Variants in SNX29 observed in about 807,000 individuals in gnomAD.
SNX29 encodes sorting nexin-29.
Under a neutral mutation model 102.1 loss-of-function variants are expected in SNX29, and 78 were observed. The observed-to-expected ratio is 0.76, with a 90% CI of 0.64 to 0.92. SNX29 has a LOEUF of 0.92. SNX29 is among the 40% of genes least tolerant of loss of function. The pLI is 0.00. For synonymous variants in SNX29, 580 were observed against 414.5 expected, an observed-to-expected ratio of 1.40 and a Z score of -4.85; for missense variants, 1,280 against 1,061.7, an observed-to-expected ratio of 1.21 and a Z score of -2.86.
intron 20 of SNX29, among the ~76,000 whole-genome samples, chr16:12,553,588 T>TCCCCCCC (rs2078130476): frequency 1.5e-5 from 2 of 131,032 alleles, no homozygotes; most frequent in Admixed American, 1.6e-4. Context: ...GATGCTTTGT[T>TCCCCCCC]CCCCACCCCC....
In SNX29 at chr16:12,568,711, A is replaced by T; in HGVS notation, c.*82A>T. Reference sequence around the variant, plus strand: ...GCCACTGCCGCTGGCCCCTCACCTCAGCGTGACAACCACGTCCACCTGGTG... The same window carrying T: ...GCCACTGCCGCTGGCCCCTCACCTCTGCGTGACAACCACGTCCACCTGGTG... On this transcript the variant is annotated 3_prime_UTR_variant, in exon 21 of 21. Transcript: ENST00000566228. 1.3e-6 allele frequency: 2 copies of T among 1,547,412 alleles called. No homozygotes were observed. Among genetic ancestry groups the T allele is most frequent in the East Asian group, 2.3e-5 (1 of 43,328 alleles).
At chr16:12,409,574 G>A (rs908952272) in intron 18 of SNX29, among the ~76,000 whole-genome samples, 2 of 151,686 alleles carry the variant, frequency 1.3e-5, no homozygotes, top group East Asian at 1.9e-4. Flanking sequence ...GACTACAGGT[G>A]CCTGTCACCA....
intron 16 of SNX29, among the ~76,000 whole-genome samples, chr16:12,368,487 A>T (rs190606553): frequency 2.5e-3 from 386 of 152,300 alleles, no homozygotes; most frequent in African/African-American, 8.9e-3. Flanking sequence ...ACTTTACCCA[A>T]TGTGAGGAAG....
At chr16:12,092,017 C>G (rs1013419673) in intron 11 of SNX29, among the ~76,000 whole-genome samples, 3 of 152,128 alleles carry the variant, frequency 2.0e-5, no homozygotes, top group Non-Finnish European at 4.4e-5. Flanking sequence ...CGGAGGTGCT[C>G]CTGCAAGAGG....
At chr16:12,482,499 ACCATG>A (rs1417311135) in intron 19 of SNX29, among the ~76,000 whole-genome samples, 5 of 152,052 alleles carry the variant, frequency 3.3e-5, no homozygotes, top group African/African-American at 1.2e-4. Context: ...ACAGGGTTTC[ACCATG>A]TTCGCCAGGC....
At chr16:12,361,980 C>CG in intron 16 of SNX29, among the ~76,000 whole-genome samples, 1 of 152,166 alleles carries the variant, frequency 6.6e-6, no homozygotes, top group Non-Finnish European at 1.5e-5. Flanking sequence ...CGAGCACATG[C>CG]CTATACATGT....
Position 12,048,408 on chromosome 16 carries a change from A to G in SNX29, c.536A>G (p.Asn179Ser). Reference sequence around the variant, plus strand: ...ATACTCTTTGCGATTAACATCGACAACAAGGATTTGAACGGGCAGAGTAAG... The same window carrying G: ...ATACTCTTTGCGATTAACATCGACAGCAAGGATTTGAACGGGCAGAGTAAG... ...NSILFAINIDNKDLNGQSKFA... is the reference protein window; with the variant it reads ...NSILFAINIDSKDLNGQSKFA... The change falls in exon 7 of 21, where the codon AAC becomes AGC. Residue 179 changes from asparagine (N) to serine (S), a missense_variant. Physicochemically the swap from Asn to Ser is conservative, Grantham distance 46. Coordinates refer to ENST00000566228, the MANE Select transcript of SNX29 (RefSeq NM_032167.5). 2 of 1,613,818 alleles carry G rather than the reference A, an allele frequency of 1.2e-6. No homozygotes were observed. The highest frequency in any genetic ancestry group is 8.5e-7 in the Non-Finnish European group (1 of 1,179,808).
chr16:12,151,612 G>A (rs2055305597), intron 13 of SNX29, among the ~76,000 whole-genome samples: 2 of 152,168 alleles, frequency 1.3e-5, no homozygotes, highest in Non-Finnish European at 2.9e-5. Context: ...TTGCAGGACG[G>A]TTTCTTTTCA....
At chr16:12,447,827 T>C (rs1435538434) in intron 18 of SNX29, among the ~76,000 whole-genome samples, 1 of 152,204 alleles carries the variant, frequency 6.6e-6, no homozygotes, top group African/African-American at 2.4e-5. Flanking sequence ...CAGAGAGCCC[T>C]CTCTTCCCTG....
chr16:12,221,974 C>G (rs903252446), intron 14 of SNX29, among the ~76,000 whole-genome samples: 45 of 152,204 alleles, frequency 3.0e-4, no homozygotes, highest in Admixed American at 9.2e-4. Context: ...CTCCCTTCTC[C>G]CTGCCTTGGA....
intron 5 of SNX29, 84 bp downstream of exon 5, chr16:12,043,161 A>G: frequency 6.5e-7 from 1 of 1,536,702 alleles, no homozygotes; most frequent in Non-Finnish European, 8.8e-7. Flanking sequence ...CTGGATTTTC[A>G]TCCTAGTTCC....
At chr16:12,261,061 C>G (rs9927705) in intron 14 of SNX29, among the ~76,000 whole-genome samples, 1 of 134,484 alleles carries the variant, frequency 7.4e-6, no homozygotes, top group African/African-American at 2.7e-5. Context: ...CTGGGGTCTG[C>G]GCATGAGTCC....
intron 11 of SNX29, among the ~76,000 whole-genome samples, chr16:12,117,635 G>A (rs1454637032): frequency 1.3e-5 from 2 of 152,206 alleles, no homozygotes; most frequent in African/African-American, 4.8e-5. Flanking sequence ...GGAAGAAATT[G>A]CTTAATGGGT....
At chr16:12,492,933 G>A (rs2088624653) in intron 19 of SNX29, among the ~76,000 whole-genome samples, 2 of 152,188 alleles carry the variant, frequency 1.3e-5, no homozygotes, top group Admixed American at 6.5e-5. Flanking sequence ...GGTTACTGTA[G>A]CCTTGTAGTA....
At chr16:12,090,741 AG>A (rs775961173) in intron 11 of SNX29, among the ~76,000 whole-genome samples, 1 of 152,124 alleles carries the variant, frequency 6.6e-6, no homozygotes, top group South Asian at 2.1e-4. Flanking sequence ...CCAGGTATGG[AG>A]GCTCACACCT....
At chr16:12,164,375 G>A (rs972954048) in intron 13 of SNX29, among the ~76,000 whole-genome samples, 2 of 152,170 alleles carry the variant, frequency 1.3e-5, no homozygotes, top group African/African-American at 4.8e-5. Context: ...CCGTGCGATA[G>A]TGAATGACTG....
intron 16 of SNX29, among the ~76,000 whole-genome samples, chr16:12,393,412 G>T (rs11645049): frequency 0.16 from 22,544 of 138,232 alleles, 1,858 homozygotes; most frequent in Middle Eastern, 0.24. Context: ...ATGCATGCAT[G>T]CATTCATTCA....
chr16:12,144,096 G>A (rs1382288625), intron 13 of SNX29, among the ~76,000 whole-genome samples: 6 of 152,170 alleles, frequency 3.9e-5, no homozygotes, highest in Non-Finnish European at 8.8e-5. Context: ...TAAGCTCCCA[G>A]GTGACACTGA....
intron 11 of SNX29, among the ~76,000 whole-genome samples, chr16:12,107,010 G>A (rs1480989044): frequency 6.6e-6 from 1 of 151,954 alleles, no homozygotes; most frequent in Admixed American, 6.6e-5. Flanking sequence ...TAGAGATGAG[G>A]TCTCACTGTG....
Sources: allele counts gnomAD v4.1 joint callset (sites outside exome capture counted in the v4.1 genomes callset), GRCh38; gene constraint gnomAD v4.1.1; transcripts MANE v1.5; gene names NCBI Gene and HGNC (gene_info 2026-07-23, HGNC 2026-07-21).